TMEM269: variants seen among roughly 807,000 people sequenced by gnomAD.
TMEM269 encodes transmembrane protein 269.
TMEM269 carries 12 observed loss-of-function variants against 15.8 expected under a neutral mutation model. The observed-to-expected ratio is 0.76, with a 90% CI of 0.49 to 1.23. The LOEUF is 1.23. TMEM269 is among the 50% of genes most tolerant of loss of function. TMEM269 has a pLI of 0.00. For missense variants in TMEM269, 211 were observed against 245.4 expected, an observed-to-expected ratio of 0.86 and a Z score of 0.94; for synonymous variants, 93 against 99.3, an observed-to-expected ratio of 0.94 and a Z score of 0.38.
At chr1:42,789,265 T>C in intron 1 of TMEM269, 2 of 599,706 alleles carry the variant, frequency 3.3e-6, no homozygotes, top group Non-Finnish European at 6.0e-6. Flanking sequence ...TTGTGGGAAG[T>C]AGGCCTGCTG....
chr1:42,792,883 C>T lies in TMEM269; in HGVS notation c.120C>T (p.Ile40=), dbSNP rs2124218594. ...DMAVRAMTSH[I]NICSKLGAEL... ...CAGTCAGGGCAATGACCAGCCACAT[C>T]AACATATGCTCCAAATTGGGTGAGT... Residue 40 remains isoleucine, a synonymous_variant, in exon 3 of 6, where the codon ATC becomes ATT. Transcript: ENST00000637012. 1 of 1,550,554 alleles carries T rather than the reference C, an allele frequency of 6.4e-7. No homozygotes were observed. Among genetic ancestry groups the T allele is most frequent in the South Asian group, 1.2e-5 (1 of 84,048 alleles).
intron 1 of TMEM269, among the ~76,000 whole-genome samples, chr1:42,786,440 G>A (rs1249035543): frequency 6.6e-6 from 1 of 152,208 alleles, no homozygotes. Flanking sequence ...TCCCAAAGAG[G>A]AGCACCACCC....
intron 1 of TMEM269, among the ~76,000 whole-genome samples, chr1:42,787,606 C>CAAAA (rs56184198): frequency 1.2e-4 from 7 of 57,550 alleles, no homozygotes; most frequent in Non-Finnish European, 2.1e-4. Context: ...GACTCCGTCT[C>CAAAA]AAAAAAAAAA....
intron 5 of TMEM269, among the ~76,000 whole-genome samples, chr1:42,796,053 C>T (rs1212689189): frequency 6.6e-6 from 1 of 152,160 alleles, no homozygotes; most frequent in Non-Finnish European, 1.5e-5. Context: ...TGGGCTAATA[C>T]CTCACTGTTT....
At chr1:42,789,161 G>T (rs1351475390) in intron 1 of TMEM269, 3 of 459,024 alleles carry the variant, frequency 6.5e-6, no homozygotes, top group African/African-American at 5.9e-5. Context: ...GGCCTCAGAT[G>T]ATCCACTTGC....
rs985206467 is a variant in TMEM269, at chr1:42,794,529, A to C, written c.400A>C (p.Ile134Leu). ...CCTCTGCTGCATGGCCTCACTCATGATTCTCTTCATGATGGACCAGAGCTA... is the reference window on the plus strand; with the variant it reads ...CCTCTGCTGCATGGCCTCACTCATGCTTCTCTTCATGATGGACCAGAGCTA... ...FILCCMASLM[I>L]LFMMDQSYYP... is the part of the protein sequence containing the mutation. The change falls in exon 5 of 6, where the codon ATT becomes CTT. Residue 134 changes from isoleucine (I) to leucine (L), a missense_variant. Physicochemically the swap from Ile to Leu is conservative, Grantham distance 5. Coordinates refer to ENST00000637012, the MANE Select transcript of TMEM269 (RefSeq NM_001354602.2). 6 of 1,550,698 alleles carry C rather than the reference A, an allele frequency of 3.9e-6. No homozygotes were observed. The highest frequency in any genetic ancestry group is 5.2e-6 in the Non-Finnish European group (6 of 1,147,058).
intron 4 of TMEM269, among the ~76,000 whole-genome samples, 179 bp from the exon 5 acceptor site, chr1:42,794,234 C>A (rs1653751648): frequency 6.6e-6 from 1 of 152,132 alleles, no homozygotes; most frequent in Non-Finnish European, 1.5e-5. Context: ...CCTTGGAAAA[C>A]CAATGTAAAA....
intron 5 of TMEM269, 149 bp downstream of exon 5, chr1:42,794,762 T>C: frequency 1.5e-6 from 1 of 661,284 alleles, no homozygotes; most frequent in East Asian, 2.7e-5. Flanking sequence ...GTTTTCTTAT[T>C]GTCTATAAAC....
intron 1 of TMEM269, among the ~76,000 whole-genome samples, chr1:42,787,338 C>G (rs1653561030): frequency 6.6e-6 from 1 of 151,746 alleles, no homozygotes; most frequent in African/African-American, 2.4e-5. Flanking sequence ...CGGTGGCTCA[C>G]GCCTGTAATC....
chr1:42,798,014 A>C, intron 5 of TMEM269, 84 bp from the exon 6 acceptor site: 1 of 1,443,598 alleles, frequency 6.9e-7, no homozygotes, highest in Non-Finnish European at 9.5e-7. Flanking sequence ...AAAGAATGGG[A>C]GGGTGGGGAC....
chr1:42,799,973 G>C lies in TMEM269; in HGVS notation c.*1748G>C, dbSNP rs1216116985. Reference sequence around the variant, plus strand: ...ATGTCGTATTCTTAAATCAAATTAGGTATCATATTTGGACTCAAATGCCTT... The same window carrying C: ...ATGTCGTATTCTTAAATCAAATTAGCTATCATATTTGGACTCAAATGCCTT... On this transcript the variant is annotated 3_prime_UTR_variant, in exon 6 of 6. Coordinates refer to ENST00000637012, the MANE Select transcript of TMEM269 (RefSeq NM_001354602.2). 1 of 152,116 alleles carries C rather than the reference G, an allele frequency of 6.6e-6. No homozygotes were observed. The highest frequency in any genetic ancestry group is 2.1e-4 in the South Asian group (1 of 4,826). 9.4% of individuals were successfully genotyped at this position (152,116 alleles called of 1,614,324 possible).
At chr1:42,793,890 C>A in intron 4 of TMEM269, 146 bp downstream of exon 4, 1 of 999,880 alleles carries the variant, frequency 1.0e-6, no homozygotes, top group Non-Finnish European at 1.4e-6. Flanking sequence ...TGCCCCATGC[C>A]CACTGAAGGC....
In TMEM269 at chr1:42,794,643, G is replaced by T. The variant is rs181656042; in HGVS notation, c.484+30G>T. On this transcript the variant is annotated intron_variant, in intron 5 of 5. Coordinates refer to ENST00000637012, the MANE Select transcript of TMEM269 (RefSeq NM_001354602.2). ...GTGAAAATGTCACTATGGCCAGTTTGTTATCACAGTTGCTTATTGCCACTG... is the reference window on the plus strand; with the variant it reads ...GTGAAAATGTCACTATGGCCAGTTTTTTATCACAGTTGCTTATTGCCACTG... 56 of 1,472,450 alleles carry T rather than the reference G, an allele frequency of 3.8e-5. 1 individual carries two copies. In the East Asian group the frequency reaches 1.4e-3, roughly 36 times the overall value. The allele number at this position is 1,472,450 out of a possible 1,614,324, so 91.2% of individuals were successfully genotyped here. A position where few individuals can be genotyped will look rare whatever the true frequency, so the allele number is the denominator to read the frequency against.
In TMEM269 at chr1:42,798,732, G is replaced by GATTT. The variant is rs1653833649; in HGVS notation, c.*507_*508insATTT. The GATTT allele has an allele frequency of 1.2e-5, 1 of 82,294 alleles. No homozygotes were observed. Among genetic ancestry groups the GATTT allele is most frequent in the African/African-American group, 5.4e-5 (1 of 18,472 alleles). The allele number at this position is 82,294 out of a possible 1,614,324, so 5.1% of individuals were successfully genotyped here. ...GGATTTTGTAACTTCAACATTCTGG[G>GATTT]TTTTTTTTTTTTTTTTTTTTTTTTT... On this transcript the variant is annotated 3_prime_UTR_variant, in exon 6 of 6. Coordinates refer to ENST00000637012, the MANE Select transcript of TMEM269 (RefSeq NM_001354602.2).
At chr1:42,789,718 A>T (rs1426807701) in intron 1 of TMEM269, 78 bp from the exon 2 acceptor site, 3 of 871,278 alleles carry the variant, frequency 3.4e-6, no homozygotes, top group Non-Finnish European at 1.9e-6. Context: ...GATGAGATCT[A>T]GTGGAACAGG....
chr1:42,793,890 C>G (rs1052958853), intron 4 of TMEM269, 146 bp downstream of exon 4: 26 of 999,762 alleles, frequency 2.6e-5, no homozygotes, highest in Middle Eastern at 3.1e-4. Flanking sequence ...TGCCCCATGC[C>G]CACTGAAGGC....
rs1449354805 is a variant in TMEM269, at chr1:42,797,952, A to T, written c.485-146A>T. ...TATCTCTATTAAACTGAACTTGAAG[A>T]CAGGGCTCCTGTCTCTTTCTGTTTG... is the stretch of plus-strand genomic sequence containing the variant. On this transcript the variant is annotated intron_variant, in intron 5 of 5. Coordinates refer to ENST00000637012, the MANE Select transcript of TMEM269 (RefSeq NM_001354602.2). The surrounding 1 kb of genome is among the most constrained non-coding windows in gnomAD (Gnocchi z 4.9). The T allele has an allele frequency of 6.8e-6, 6 of 882,404 alleles. No homozygotes were observed. The Admixed American group carries it at 1.2e-4, about 18-fold the overall frequency. The allele number at this position is 882,404 out of a possible 1,614,324, so 54.7% of individuals were successfully genotyped here.
chr1:42,787,819 A>T (rs1653572986), intron 1 of TMEM269, among the ~76,000 whole-genome samples: 1 of 152,186 alleles, frequency 6.6e-6, no homozygotes, highest in Non-Finnish European at 1.5e-5. Flanking sequence ...GACCCTGGGC[A>T]CCTGCTAACT....
intron 2 of TMEM269, among the ~76,000 whole-genome samples, chr1:42,792,586 G>A (rs1435578368): frequency 6.6e-6 from 1 of 152,126 alleles, no homozygotes; most frequent in Non-Finnish European, 1.5e-5. Flanking sequence ...GTTTGTGAGG[G>A]ATGTAGGCAT....
Sources: allele counts gnomAD v4.1 joint callset (sites outside exome capture counted in the v4.1 genomes callset), GRCh38; gene constraint gnomAD v4.1.1; non-coding constraint Gnocchi (gnomAD v3.1); transcripts MANE v1.5; gene names NCBI Gene and HGNC (gene_info 2026-07-23, HGNC 2026-07-21).